The following RMST variants were observed in gnomAD, a reference collection of about 807,000 sequenced individuals.
RMST encodes the protein long intergenic non-protein coding RNA 54.
intron 5 of RMST, among the ~76,000 whole-genome samples, chr12:97,479,132 G>GTTTT (rs1874908302): frequency 1.5e-5 from 1 of 68,718 alleles, no homozygotes; most frequent in African/African-American, 6.9e-5. Flanking sequence ...CCTTGTCTTT[G>GTTTT]CTTTTTTTTT....
chr12:97,499,076 C>T (rs1877779354), intron 10 of RMST, among the ~76,000 whole-genome samples: 1 of 152,118 alleles, frequency 6.6e-6, no homozygotes, highest in African/African-American at 2.4e-5. Flanking sequence ...TCAAAGGCTG[C>T]CTCTGTCTCT....
intron 5 of RMST, among the ~76,000 whole-genome samples, chr12:97,481,523 C>A (rs1875276522): frequency 6.6e-6 from 1 of 152,124 alleles, no homozygotes; most frequent in Non-Finnish European, 1.5e-5. Context: ...ATCCACATTT[C>A]AGATATATTT....
At chr12:97,521,276 T>C (rs1880480768) in intron 10 of RMST, among the ~76,000 whole-genome samples, 2 of 152,156 alleles carry the variant, frequency 1.3e-5, no homozygotes, top group Admixed American at 6.6e-5. Context: ...GATAACGCAA[T>C]GTCAAAGCTG....
At chr12:97,548,318 A>T (rs865975841) in intron 11 of RMST, among the ~76,000 whole-genome samples, 38 of 152,184 alleles carry the variant, frequency 2.5e-4, no homozygotes, top group Middle Eastern at 3.4e-3. Context: ...TTTTGAAGTC[A>T]AGTAGTGTGA....
chr12:97,543,442 T>A (rs1172378855), intron 11 of RMST, among the ~76,000 whole-genome samples: 1 of 152,050 alleles, frequency 6.6e-6, no homozygotes, highest in Non-Finnish European at 1.5e-5. Flanking sequence ...TTTTCTGCCC[T>A]GTTTAATACT....
chr12:97,531,176 G>A (rs1261491662), intron 11 of RMST, among the ~76,000 whole-genome samples: 1 of 151,810 alleles, frequency 6.6e-6, no homozygotes, highest in Non-Finnish European at 1.5e-5. Flanking sequence ...ATATTGTGTA[G>A]CGTTGGATTT....
At chr12:97,482,134 CA>C (rs1251180589) in intron 5 of RMST, among the ~76,000 whole-genome samples, 1 of 152,168 alleles carries the variant, frequency 6.6e-6, no homozygotes, top group Non-Finnish European at 1.5e-5. Flanking sequence ...AAGCACACAT[CA>C]AAATGGAAAA....
chr12:97,553,644 A>C (rs1161850787), intron 11 of RMST, among the ~76,000 whole-genome samples: 1 of 152,164 alleles, frequency 6.6e-6, no homozygotes, highest in African/African-American at 2.4e-5. Context: ...TGTGATCTTC[A>C]ACAGTTGACA....
chr12:97,541,229 T>C (rs1192500843), intron 11 of RMST: 2 of 151,708 alleles, frequency 1.3e-5, no homozygotes, highest in Non-Finnish European at 1.5e-5. Flanking sequence ...CAAGTAATAT[T>C]GCATTCATTT....
intron 5 of RMST, among the ~76,000 whole-genome samples, chr12:97,482,769 T>TTTATTTATTAAATAAATTTATA (rs1875558811): frequency 1.4e-5 from 2 of 143,168 alleles, no homozygotes; most frequent in Middle Eastern, 3.4e-3. Context: ...ATTTATATTA[T>TTTATTTATTAAATAAATTTATA]TTATTTATTA....
intron 5 of RMST, chr12:97,491,827 AT>A: frequency 2.1e-6 from 1 of 468,926 alleles, no homozygotes. Flanking sequence ...GTCATGGGTC[AT>A]TTTCATCAAA....
At position 97,501,461 on chromosome 12, in the gene RMST, T is replaced by C. The variant is rs575314791; in HGVS notation, n.1340+5405T>C. Among the ~76,000 whole-genome samples, 16 of 152,344 alleles carry C rather than the reference T, an allele frequency of 1.1e-4. No individual in the cohort carries two copies. In the East Asian group the frequency reaches 2.5e-3, roughly 24 times the overall value. On this transcript the variant is annotated intron_variant and non_coding_transcript_variant, in intron 10 of 13. Transcript: ENST00000640149. The stretch of plus-strand genomic sequence containing the variant: ...TGATAAAATAGGTATACCACTATAT[T>C]GCAGGTATATTACTTTTTCTCCAGA...
At chr12:97,536,933 T>G (rs1436481418) in intron 11 of RMST, among the ~76,000 whole-genome samples, 1 of 151,422 alleles carries the variant, frequency 6.6e-6, no homozygotes, top group Non-Finnish European at 1.5e-5. Context: ...TCTGAACCGA[T>G]TAAAATATTT....
intron 5 of RMST, among the ~76,000 whole-genome samples, chr12:97,483,962 A>T (rs1001077602): frequency 5.9e-5 from 9 of 152,128 alleles, no homozygotes; most frequent in African/African-American, 1.9e-4. Flanking sequence ...TAACCATTTT[A>T]TACTTTTCTT....
chr12:97,462,837 C>G (rs894417304), exon 3 of RMST: 1 of 152,232 alleles, frequency 6.6e-6, no homozygotes, highest in African/African-American at 2.4e-5. Flanking sequence ...AGCACTAGCA[C>G]TCTGGAGAAG....
At chr12:97,507,286 T>TAA (rs1565926495) in intron 10 of RMST, among the ~76,000 whole-genome samples, 1 of 148,212 alleles carries the variant, frequency 6.7e-6, no homozygotes, top group Non-Finnish European at 1.5e-5. Flanking sequence ...CTTTTTTTTT[T>TAA]TAAAAAAAAA....
At chr12:97,512,416 C>G (rs903672192) in intron 10 of RMST, among the ~76,000 whole-genome samples, 1 of 152,216 alleles carries the variant, frequency 6.6e-6, no homozygotes, top group Non-Finnish European at 1.5e-5. Flanking sequence ...TGCTTTTATT[C>G]TCTTATCTGG....
chr12:97,474,375 T>A (rs1874280143), intron 5 of RMST, among the ~76,000 whole-genome samples: 1 of 152,036 alleles, frequency 6.6e-6, no homozygotes, highest in Non-Finnish European at 1.5e-5. Context: ...AATAAGGAAC[T>A]CCTCTCACTG....
At chr12:97,471,786 G>T (rs1873949972) in intron 5 of RMST, among the ~76,000 whole-genome samples, 1 of 152,134 alleles carries the variant, frequency 6.6e-6, no homozygotes, top group African/African-American at 2.4e-5. Flanking sequence ...ACAACATGCA[G>T]TTGGAAAGGG....
Sources: gnomAD v4.1 joint callset for allele counts (sites outside exome capture counted in the v4.1 genomes callset) on GRCh38, gnomAD v4.1.1 for gene constraint, MANE v1.5 for transcripts, NCBI Gene and HGNC (gene_info 2026-07-23, HGNC 2026-07-21) for gene names.